Variants in MTA3 observed in about 807,000 individuals in gnomAD.
MTA3 encodes metastasis associated 1 family member 3.
In MTA3, 34 loss-of-function variants were observed where a neutral mutation model predicts 83.5. The observed-to-expected ratio is 0.41, with a 90% confidence interval of 0.31 to 0.54. The LOEUF (loss-of-function observed/expected upper bound fraction) is 0.54, where lower values mean the gene tolerates loss of function less well. Ranked by LOEUF, MTA3 falls within the 20% of genes least tolerant of loss-of-function variation. The pLI, the probability that MTA3 is intolerant of heterozygous loss-of-function variation, is 0.33. For missense variants in MTA3, 761 were observed against 726.4 expected, an observed-to-expected ratio of 1.05 and a Z score of -0.55; for synonymous variants, 303 against 252.7, an observed-to-expected ratio of 1.20 and a Z score of -1.89.
chr2:42,725,165 G>A (rs376878046), intron 16 of MTA3, among the ~76,000 whole-genome samples: 2 of 152,190 alleles, frequency 1.3e-5, no homozygotes, highest in East Asian at 1.9e-4. Flanking sequence ...GGGAGGTCAG[G>A]GAATTTGTTT....
At chr2:42,523,663 A>C (rs1169654019) in intron 2 of MTA3, among the ~76,000 whole-genome samples, 1 of 152,160 alleles carries the variant, frequency 6.6e-6, no homozygotes, top group Non-Finnish European at 1.5e-5. Flanking sequence ...TTGTAACCCC[A>C]GCACTTTGAG....
chr2:42,567,312 G>A (rs569521884), upstream of MTA3, among the ~76,000 whole-genome samples: 51 of 152,270 alleles, frequency 3.3e-4, no homozygotes, highest in Middle Eastern at 6.8e-3. Flanking sequence ...TAATTCAATA[G>A]TGCTTTATTT....
At chr2:42,642,505 AAAAC>A (rs561504116) in intron 5 of MTA3, among the ~76,000 whole-genome samples, 1 of 152,112 alleles carries the variant, frequency 6.6e-6, no homozygotes. Flanking sequence ...AAAAAAAAGA[AAAAC>A]AAAATCTGAT....
At chr2:42,733,382 G>T (rs1026302028) in intron 16 of MTA3, among the ~76,000 whole-genome samples, 1 of 152,124 alleles carries the variant, frequency 6.6e-6, no homozygotes, top group Non-Finnish European at 1.5e-5. Context: ...AAGACTGGCC[G>T]CCATGACTCA....
chr2:42,641,503 C>T lies in MTA3; in HGVS notation c.381+1267C>T, dbSNP rs140492175. On this transcript the variant is annotated intron_variant, in intron 5 of 16. Coordinates refer to ENST00000405094, the MANE Select transcript of MTA3 (RefSeq NM_001330442.2). Reference sequence around the variant, plus strand: ...ATGCCCAGAAATTAGCATTATTTCACGGAAGCAGAAAGAAAAAGGCAAAAC... The same window carrying T: ...ATGCCCAGAAATTAGCATTATTTCATGGAAGCAGAAAGAAAAAGGCAAAAC... Among the ~76,000 whole-genome samples the T allele has an allele frequency of 3.6e-3, 551 of 152,046 alleles. 3 individuals carry two copies. The highest frequency in any genetic ancestry group is 0.013 in the African/African-American group (519 of 41,476).
At chr2:42,568,974 C>T (rs1678144073) in intron 1 of MTA3, among the ~76,000 whole-genome samples, 1 of 149,264 alleles carries the variant, frequency 6.7e-6, no homozygotes, top group African/African-American at 2.4e-5. Context: ...CTCGCGAGGG[C>T]CCGGGGCCAC....
chr2:42,603,224 T>A (rs901704584), intron 3 of MTA3, among the ~76,000 whole-genome samples: 1 of 151,910 alleles, frequency 6.6e-6, no homozygotes, highest in African/African-American at 2.4e-5. Flanking sequence ...GTTTTTACCC[T>A]AATGGTGGTT....
At chr2:42,729,058 G>A (rs1417474042) in intron 16 of MTA3, among the ~76,000 whole-genome samples, 1 of 52,120 alleles carries the variant, frequency 1.9e-5, no homozygotes, top group African/African-American at 6.2e-5. Context: ...TTTCTCCAGT[G>A]TTTTCTTTTA....
chr2:42,670,574 T>A (rs2104405036), intron 8 of MTA3, among the ~76,000 whole-genome samples: 1 of 152,226 alleles, frequency 6.6e-6, no homozygotes, highest in South Asian at 2.1e-4. Context: ...TCAAAGTTGC[T>A]TTCCTTAAAA....
At chr2:42,708,816 A>G in intron 13 of MTA3, 58 bp from the exon 14 acceptor site, 1 of 1,571,386 alleles carries the variant, frequency 6.4e-7, no homozygotes, top group Non-Finnish European at 8.7e-7. Flanking sequence ...TGATGCAAAC[A>G]GTAACGTGTT....
rs796440549 is a variant in MTA3 at position 42,583,784 on chromosome 2, G to A, written c.190+4584G>A. On this transcript the variant is annotated intron_variant, in intron 3 of 16. Coordinates refer to ENST00000405094, the MANE Select transcript of MTA3 (RefSeq NM_001330442.2). ...GCTCTCAAGTGATCCTCTTGCCTTG[G>A]CCTCCCAAAGTGCCATGATTGCAGG... Among the ~76,000 whole-genome samples, 3 of 151,754 alleles carry A rather than the reference G, an allele frequency of 2.0e-5. 1 individual carries two copies. The highest frequency in any genetic ancestry group is 4.8e-5 in the African/African-American group (2 of 41,398).
chr2:42,746,864 C>T (rs1669473492), intron 16 of MTA3, among the ~76,000 whole-genome samples: 2 of 152,202 alleles, frequency 1.3e-5, no homozygotes, highest in African/African-American at 4.8e-5. Flanking sequence ...ACTCTGCCCG[C>T]TTGGGCCTTT....
chr2:42,667,586 G>GTGTGTGTT (rs1690364983), intron 8 of MTA3, among the ~76,000 whole-genome samples: 3 of 129,936 alleles, frequency 2.3e-5, no homozygotes, highest in Non-Finnish European at 4.8e-5. Flanking sequence ...GTGTGTGTGT[G>GTGTGTGTT]TGTGTGTGTG....
intron 3 of MTA3, among the ~76,000 whole-genome samples, chr2:42,587,435 A>G (rs768507655): frequency 6.6e-6 from 1 of 152,202 alleles, no homozygotes; most frequent in Non-Finnish European, 1.5e-5. Flanking sequence ...CATTATTATT[A>G]CTAGCTTCTG....
At chr2:42,630,293 C>T (rs773142404) in intron 4 of MTA3, among the ~76,000 whole-genome samples, 17 of 152,278 alleles carry the variant, frequency 1.1e-4, no homozygotes, top group Middle Eastern at 3.4e-3. Flanking sequence ...CCATAACCTG[C>T]ATGCAATTCT....
intron 16 of MTA3, among the ~76,000 whole-genome samples, chr2:42,729,470 G>A (rs889048012): frequency 1.3e-5 from 2 of 152,136 alleles, no homozygotes; most frequent in African/African-American, 4.8e-5. Context: ...GCAAGAAAGA[G>A]GGGTCTAGTT....
intron 14 of MTA3, among the ~76,000 whole-genome samples, chr2:42,718,339 C>A (rs1451996552): frequency 6.6e-6 from 1 of 151,884 alleles, no homozygotes; most frequent in African/African-American, 2.4e-5. Context: ...TGTCCACCTC[C>A]TGGGTTCAAG....
chr2:42,609,872 G>C (rs1418732993), intron 4 of MTA3, among the ~76,000 whole-genome samples: 1 of 152,186 alleles, frequency 6.6e-6, no homozygotes, highest in Admixed American at 6.5e-5. Flanking sequence ...GCTGAGGCGG[G>C]CGTATCATTT....
chr2:42,636,225 C>T (rs777952223), intron 4 of MTA3, among the ~76,000 whole-genome samples: 2 of 152,034 alleles, frequency 1.3e-5, no homozygotes, highest in Admixed American at 6.6e-5. Context: ...GGGTAGTCCC[C>T]GCTTCAAGTT....
Sources: gnomAD v4.1 joint callset for allele counts (sites outside exome capture counted in the v4.1 genomes callset) on GRCh38, gnomAD v4.1.1 for gene constraint, MANE v1.5 for transcripts, NCBI Gene and HGNC (gene_info 2026-07-23, HGNC 2026-07-21) for gene names.